Variants in GPC3 observed in about 807,000 individuals in gnomAD.
GPC3 encodes the protein glypican-3.
In GPC3, 3 loss-of-function variants were observed where a neutral mutation model predicts 34.4. The ratio of observed to expected loss-of-function variants is 0.09; its 90% CI spans 0.04 to 0.23. The LOEUF (loss-of-function observed/expected upper bound fraction) is 0.23. GPC3 is among the 10% of genes least tolerant of loss of function. The pLI, the probability that GPC3 is intolerant of heterozygous loss-of-function variation, is 1.00. For missense variants in GPC3, 351 were observed against 445.6 expected (o/e 0.79, Z 1.91); for synonymous variants, 177 against 174.0 (o/e 1.02, Z -0.13).
intron 7 of GPC3, among the ~76,000 whole-genome samples, chrX:133,538,432 T>G (rs1362272910): frequency 2.7e-5 from 3 of 111,592 alleles, no homozygotes; most frequent in Non-Finnish European, 3.8e-5. Context: ...CTCTCAGCAT[T>G]GCTTTCAGAT....
In GPC3 at chrX:133,736,902, T is replaced by C. The variant is rs184042763; in HGVS notation, c.1032+16580A>G. On this transcript the variant is annotated intron_variant, in intron 3 of 7. Transcript: ENST00000370818. The stretch of plus-strand genomic sequence containing the variant: ...AATTGTATTCTATATGAATTACATC[T>C]CAATAAAGCTGTTTTTAAAAAGAAG... 4.8e-3 allele frequency among the ~76,000 whole-genome samples: 541 copies of C among 112,128 alleles called. 3 individuals carry two copies. Among genetic ancestry groups the C allele is most frequent in the African/African-American group, 0.017 (518 of 30,903 alleles).
intron 2 of GPC3, among the ~76,000 whole-genome samples, chrX:133,802,498 G>A (rs2124520277): frequency 8.9e-6 from 1 of 111,851 alleles, no homozygotes; most frequent in South Asian, 3.8e-4. Flanking sequence ...ATGATCACCT[G>A]CCTGCAGATT....
Position 133,985,475 on chromosome X carries a change from C to A in GPC3, c.-26G>T. 1.9e-5 allele frequency: 22 copies of A among 1,159,585 alleles called. No individual in the cohort carries two copies. Among genetic ancestry groups the A allele is most frequent in the Non-Finnish European group, 2.5e-5 (22 of 867,410 alleles). Reference sequence around the variant, plus strand: ...CCTGCTTCGCAGGGAGCTAGGAGAGCGCGGGAGAGTGGCAGCCGGAGCGAG... The same window carrying A: ...CCTGCTTCGCAGGGAGCTAGGAGAGAGCGGGAGAGTGGCAGCCGGAGCGAG... On this transcript the variant is annotated 5_prime_UTR_variant, in exon 1 of 8. Coordinates refer to ENST00000370818, the MANE Select transcript of GPC3 (RefSeq NM_004484.4).
At chrX:133,671,137 A>G in intron 5 of GPC3, 1 of 1,005,423 alleles carries the variant, frequency 9.9e-7, no homozygotes, top group Non-Finnish European at 1.4e-6. Flanking sequence ...ACAAGACCAC[A>G]CCAGATGTCA....
intron 2 of GPC3, among the ~76,000 whole-genome samples, chrX:133,816,969 G>A (rs754688006): frequency 1.8e-5 from 2 of 112,181 alleles, no homozygotes; most frequent in South Asian, 3.8e-4. Context: ...AAACAAAGGT[G>A]TATCTTCAGG....
rs181075194 is a variant in GPC3, at chrX:133,796,049, C to A, written c.338-41873G>T. On this transcript the variant is annotated intron_variant, in intron 2 of 7. Transcript: ENST00000370818. Reference sequence around the variant, plus strand: ...CAAGCTCCGCCTCCCGGGTTCACGCCATTCTCCTGCCTCAGCCTGCCGAGT... The same window carrying A: ...CAAGCTCCGCCTCCCGGGTTCACGCAATTCTCCTGCCTCAGCCTGCCGAGT... Among the ~76,000 whole-genome samples, 22 of 106,759 alleles carry A rather than the reference C, an allele frequency of 2.1e-4. No individual in the cohort carries two copies. In the Admixed American group the frequency reaches 2.2e-3, roughly 11 times the overall value. 92.7% of individuals were successfully genotyped at this position (106,759 alleles called of 115,157 possible).
intron 2 of GPC3, among the ~76,000 whole-genome samples, chrX:133,882,157 A>G (rs1227809224): frequency 1.8e-5 from 2 of 111,709 alleles, no homozygotes; most frequent in African/African-American, 6.5e-5. Flanking sequence ...CCCCTCCCCC[A>G]CAATGATTCC....
chrX:133,886,964 G>A (rs753529573), intron 2 of GPC3, among the ~76,000 whole-genome samples: 5 of 112,370 alleles, frequency 4.4e-5, no homozygotes, highest in Non-Finnish European at 7.5e-5. Context: ...ATATATACTC[G>A]GAAGTAGGAT....
chrX:133,712,836 G>A (rs906447711), intron 3 of GPC3, among the ~76,000 whole-genome samples: 2 of 109,529 alleles, frequency 1.8e-5, no homozygotes, highest in Admixed American at 9.7e-5. Context: ...GGTGAGCCGA[G>A]ATCACACCAC....
At chrX:133,788,088 TTATATATATA>T (rs56318773) in intron 2 of GPC3, among the ~76,000 whole-genome samples, 2,325 of 64,901 alleles carry the variant, frequency 0.036, 143 homozygotes, top group African/African-American at 0.15. Flanking sequence ...TCATATTATT[TTATATATATA>T]TATATATATA....
At chrX:133,752,944 T>C (rs778535654) in intron 3 of GPC3, among the ~76,000 whole-genome samples, 1 of 112,003 alleles carries the variant, frequency 8.9e-6, no homozygotes, top group Non-Finnish European at 1.9e-5. Flanking sequence ...GGAGACCTGG[T>C]CAATTTCTGA....
At chrX:133,825,933 C>T (rs1320495280) in intron 2 of GPC3, among the ~76,000 whole-genome samples, 1 of 112,014 alleles carries the variant, frequency 8.9e-6, no homozygotes, top group African/African-American at 3.2e-5. Flanking sequence ...CATTCACTGA[C>T]CACTAAGCTA....
intron 6 of GPC3, among the ~76,000 whole-genome samples, chrX:133,653,608 A>G (rs1247001536): frequency 9.0e-6 from 1 of 111,638 alleles, no homozygotes; most frequent in Non-Finnish European, 1.9e-5. Flanking sequence ...TGGTTCAGTG[A>G]TCCCAGCAGA....
intron 2 of GPC3, among the ~76,000 whole-genome samples, chrX:133,937,254 C>T (rs145260381): frequency 9.0e-6 from 1 of 111,304 alleles, no homozygotes; most frequent in Non-Finnish European, 1.9e-5. Flanking sequence ...GGAAAAGTCT[C>T]CACCTGACAC....
intron 2 of GPC3, among the ~76,000 whole-genome samples, chrX:133,842,517 G>A (rs2075830425): frequency 9.2e-6 from 1 of 108,369 alleles, no homozygotes; most frequent in East Asian, 2.9e-4. Context: ...CCCAGGTAAA[G>A]CATGTACAGT....
At chrX:133,556,594 C>T (rs1027026345) in intron 7 of GPC3, among the ~76,000 whole-genome samples, 7 of 109,335 alleles carry the variant, frequency 6.4e-5, no homozygotes, top group Non-Finnish European at 1.1e-4. Context: ...ATGCCAAGGT[C>T]CTGGCATGTA....
chrX:133,647,767 A>G (rs971309398), intron 6 of GPC3, among the ~76,000 whole-genome samples: 2 of 111,828 alleles, frequency 1.8e-5, no homozygotes, highest in Non-Finnish European at 3.8e-5. Context: ...TCTTTCTCAC[A>G]GTTTTGGTAA....
chrX:133,900,693 T>C (rs1477164474), intron 2 of GPC3, among the ~76,000 whole-genome samples: 2 of 111,300 alleles, frequency 1.8e-5, no homozygotes, highest in Non-Finnish European at 3.8e-5. Context: ...CCTAGGACCA[T>C]TTCAAAGATT....
intron 3 of GPC3, among the ~76,000 whole-genome samples, chrX:133,726,162 T>A (rs901409641): frequency 8.9e-6 from 1 of 111,975 alleles, no homozygotes; most frequent in South Asian, 3.8e-4. Flanking sequence ...AAACAGTATC[T>A]GCCTCACGTC....
Sources: allele counts gnomAD v4.1 joint callset (sites outside exome capture counted in the v4.1 genomes callset), GRCh38; gene constraint gnomAD v4.1.1; transcripts MANE v1.5; gene names NCBI Gene and HGNC (gene_info 2026-07-23, HGNC 2026-07-21).